The following NFKB1 variants were observed in gnomAD, a reference collection of about 807,000 sequenced individuals.
NFKB1 encodes the protein nuclear factor NF-kappa-B p105 subunit.
In NFKB1, 9 loss-of-function variants were observed where a neutral mutation model predicts 105.1. The ratio of observed to expected loss-of-function variants is 0.09; its 90% CI spans 0.05 to 0.15. The LOEUF is 0.15. Ranked by LOEUF, NFKB1 falls within the 10% of genes least tolerant of loss-of-function variation. The pLI is 1.00. For synonymous variants in NFKB1, 440 were observed against 442.2 expected (o/e 1.00, Z 0.06); for missense variants, 830 against 1,203.7 (o/e 0.69, Z 4.59).
intron 9 of NFKB1, among the ~76,000 whole-genome samples, chr4:102,581,391 T>A (rs549736138): frequency 6.6e-6 from 1 of 152,228 alleles, no homozygotes; most frequent in African/African-American, 2.4e-5. Context: ...ATAAAAGACA[T>A]GTGGCTTTTA....
chr4:102,552,069 A>G (rs948044742), intron 5 of NFKB1, among the ~76,000 whole-genome samples: 1 of 152,198 alleles, frequency 6.6e-6, no homozygotes, highest in Non-Finnish European at 1.5e-5. Flanking sequence ...AACACGATAC[A>G]TAAGACCAAG....
intron 5 of NFKB1, among the ~76,000 whole-genome samples, chr4:102,543,590 T>A (rs1721889743): frequency 1.3e-5 from 2 of 151,158 alleles, no homozygotes; most frequent in Non-Finnish European, 2.9e-5. Context: ...TGTTGTCCCC[T>A]TCCACTACTG....
rs1158263948 is a variant in NFKB1 at position 102,575,445 on chromosome 4, TTTTC to T, written c.408-1417_408-1414del. On this transcript the variant is annotated intron_variant, in intron 6 of 23. Coordinates refer to ENST00000226574, the MANE Select transcript of NFKB1 (RefSeq NM_003998.4). ...TCTTTCTTTCCTCTACTAATTTTTT[TTTTC>T]TTTCTTTCTTTCTGAGTAAAAGCCA... Among the ~76,000 whole-genome samples the T allele has an allele frequency of 1.3e-5, 2 of 152,138 alleles. 1 individual carries two copies. The highest frequency in any genetic ancestry group is 4.1e-4 in the South Asian group (2 of 4,830).
intron 4 of NFKB1, among the ~76,000 whole-genome samples, chr4:102,536,936 G>A (rs1174343375): frequency 6.6e-6 from 1 of 152,182 alleles, no homozygotes; most frequent in Non-Finnish European, 1.5e-5. Flanking sequence ...GTTGAATCAG[G>A]AAATACAGCG....
chr4:102,577,945 G>T, intron 7 of NFKB1: 3 of 985,398 alleles, frequency 3.0e-6, no homozygotes, highest in Non-Finnish European at 3.6e-6. Flanking sequence ...GCTGCTCCGT[G>T]TCTCCGTTTT....
intron 11 of NFKB1, among the ~76,000 whole-genome samples, chr4:102,590,733 T>C (rs187255607): frequency 6.6e-6 from 1 of 152,176 alleles, no homozygotes. Context: ...CACAACCATA[T>C]GGAAATTAGG....
chr4:102,523,039 A>G (rs1204187907), intron 1 of NFKB1, among the ~76,000 whole-genome samples: 1 of 152,214 alleles, frequency 6.6e-6, no homozygotes, highest in Non-Finnish European at 1.5e-5. Context: ...TTTATTTGCT[A>G]ATTAACATAT....
intron 8 of NFKB1, among the ~76,000 whole-genome samples, chr4:102,579,645 A>AT (rs1560691791): frequency 1.6e-4 from 16 of 101,880 alleles, no homozygotes; most frequent in African/African-American, 5.5e-4. Flanking sequence ...TCAAAAAAAA[A>AT]AATATATATA....
chr4:102,559,221 C>T (rs553203631), intron 5 of NFKB1, among the ~76,000 whole-genome samples: 1 of 152,072 alleles, frequency 6.6e-6, no homozygotes, highest in Non-Finnish European at 1.5e-5. Flanking sequence ...GCCATTATAA[C>T]GATTTTGTCT....
chr4:102,539,251 A>AG (rs1741843754), intron 5 of NFKB1, among the ~76,000 whole-genome samples: 1 of 151,480 alleles, frequency 6.6e-6, no homozygotes. Flanking sequence ...AAAAAAAAAA[A>AG]AAAAAAGAAA....
intron 19 of NFKB1, among the ~76,000 whole-genome samples, 198 bp from the exon 20 acceptor site, chr4:102,610,377 C>T (rs892891768): frequency 6.6e-6 from 1 of 152,198 alleles, no homozygotes. Flanking sequence ...TCATAAGACA[C>T]TTTAACAATC....
At chr4:102,571,610 C>A (rs1038324899) in intron 6 of NFKB1, among the ~76,000 whole-genome samples, 3 of 152,148 alleles carry the variant, frequency 2.0e-5, no homozygotes, top group Admixed American at 1.3e-4. Context: ...TATCCAGAAT[C>A]TATAAAGAAC....
rs151161565 is a variant in NFKB1, at chr4:102,586,462, CAA to C, written c.1066+1643_1066+1644del. ...CAGATCAAAAGGCAGAACTGGAACT[CAA>C]GAGAGGACAGGGTGAGAAATTTAGC... On this transcript the variant is annotated intron_variant, in intron 11 of 23. Transcript: ENST00000226574. Among the ~76,000 whole-genome samples the C allele has an allele frequency of 8.9e-3, 1,350 of 152,194 alleles. 13 individuals carry two copies. The highest frequency in any genetic ancestry group is 0.03 in the African/African-American group (1,242 of 41,500).
In NFKB1 at chr4:102,607,211, G is replaced by T. The variant is rs1167466499; in HGVS notation, c.2016G>T (p.Val672=). 1.2e-6 allele frequency: 2 copies of T among 1,614,178 alleles called. No homozygotes were observed. Among genetic ancestry groups the T allele is most frequent in the East Asian group, 4.5e-5 (2 of 44,882 alleles). The change falls in exon 18 of 24, where the codon GTG becomes GTT. Residue 672 remains valine (V), a synonymous_variant. Coordinates refer to ENST00000226574, the MANE Select transcript of NFKB1 (RefSeq NM_003998.4). ...SNSLPCLLLL[V]AAGADVNAQE... is the part of the protein sequence containing the mutation. ...GCCTGCCATGTTTGCTGCTGCTGGT[G>T]GCCGCTGGGGCTGACGTCAATGCTC...
At chr4:102,568,399 G>A (rs1246850309) in intron 6 of NFKB1, among the ~76,000 whole-genome samples, 1 of 152,126 alleles carries the variant, frequency 6.6e-6, no homozygotes, top group African/African-American at 2.4e-5. Context: ...CGTGTCTCCT[G>A]TTGTATGTCA....
At chr4:102,510,016 G>A (rs79187293) in intron 1 of NFKB1, among the ~76,000 whole-genome samples, 15 of 152,138 alleles carry the variant, frequency 9.9e-5, no homozygotes, top group African/African-American at 3.4e-4. Context: ...CCTCCACACC[G>A]ACTTTCAGTT....
intron 3 of NFKB1, 102 bp downstream of exon 3, chr4:102,530,016 A>C: frequency 1.3e-6 from 1 of 759,810 alleles, no homozygotes; most frequent in Admixed American, 3.0e-5. Flanking sequence ...GTGTACCTAG[A>C]AAGGAAATGG....
In NFKB1 at chr4:102,604,992, C is replaced by T. The variant is rs186653860; in HGVS notation, c.1753-1504C>T. On this transcript the variant is annotated intron_variant, in intron 16 of 23. Coordinates refer to ENST00000226574, the MANE Select transcript of NFKB1 (RefSeq NM_003998.4). ...AAATATTAAAAAAAAAAAACCTCTC[C>T]GACTCATAAGATATTTTTTAATTAA... 3.2e-3 allele frequency among the ~76,000 whole-genome samples: 491 copies of T among 151,698 alleles called. 2 individuals are homozygous for T. Among genetic ancestry groups the T allele is most frequent in the African/African-American group, 8.5e-3 (350 of 41,380 alleles).
chr4:102,597,187 C>A (rs564029544), intron 14 of NFKB1, among the ~76,000 whole-genome samples: 1 of 152,288 alleles, frequency 6.6e-6, no homozygotes, highest in Non-Finnish European at 1.5e-5. Flanking sequence ...GATTTAAAAT[C>A]ATGGTAAAAT....
Sources: gnomAD v4.1 joint callset for allele counts (sites outside exome capture counted in the v4.1 genomes callset) on GRCh38, gnomAD v4.1.1 for gene constraint, MANE v1.5 for transcripts, NCBI Gene and HGNC (gene_info 2026-07-23, HGNC 2026-07-21) for gene names.